LMNTD1: variants seen among roughly 807,000 people sequenced by gnomAD.
The protein encoded by LMNTD1 is lamin tail domain-containing protein 1.
Under a neutral mutation model 50.9 loss-of-function variants are expected in LMNTD1, and 35 were observed. The ratio of observed to expected loss-of-function variants is 0.69; its 90% CI spans 0.53 to 0.91. The LOEUF is 0.91. LMNTD1 is among the 40% of genes least tolerant of loss of function. The probability of loss-of-function intolerance (pLI) is 0.00; values close to 1 mark genes in which losing one functional copy is unlikely to be tolerated. For missense variants in LMNTD1, 470 were observed against 475.5 expected, an observed-to-expected ratio of 0.99 and a Z score of 0.11; for synonymous variants, 153 against 161.9, an observed-to-expected ratio of 0.94 and a Z score of 0.42.
At chr12:25,480,976 A>G (rs888857709) in intron 9 of LMNTD1, among the ~76,000 whole-genome samples, 1 of 152,220 alleles carries the variant, frequency 6.6e-6, no homozygotes, top group Admixed American at 6.5e-5. Context: ...ACAAGGCTCT[A>G]CAAGACCTGC....
intron 1 of LMNTD1, among the ~76,000 whole-genome samples, chr12:25,583,716 A>T (rs1193624959): frequency 1.3e-5 from 2 of 152,180 alleles, no homozygotes; most frequent in Non-Finnish European, 2.9e-5. Context: ...GAGCCTAGTA[A>T]GGCTGGGAGA....
At chr12:25,509,626 G>A (rs76781418) in intron 8 of LMNTD1, among the ~76,000 whole-genome samples, 8 of 152,122 alleles carry the variant, frequency 5.3e-5, no homozygotes, top group African/African-American at 1.9e-4. Context: ...CCCTTGGAAC[G>A]TGCGAACATG....
chr12:25,562,539 C>T (rs909569114), intron 1 of LMNTD1, among the ~76,000 whole-genome samples: 2 of 152,178 alleles, frequency 1.3e-5, no homozygotes, highest in African/African-American at 2.4e-5. Context: ...TTGTGGGTAA[C>T]CTGACCTTTC....
In LMNTD1 at chr12:25,620,524, A is replaced by G. The variant is rs116594172; in HGVS notation, c.58+27970T>C. Among the ~76,000 whole-genome samples, 1,377 of 152,246 alleles carry G rather than the reference A, an allele frequency of 9.0e-3. 22 individuals carry two copies. The highest frequency in any genetic ancestry group is 0.032 in the African/African-American group (1,311 of 41,528). ...ATATAAATGCTTCTTTTCTTCAACA[A>G]GATAGGAGTACATTTTCTAGCTTTT... On this transcript the variant is annotated intron_variant, in intron 1 of 7. Coordinates refer to the LMNTD1 transcript ENST00000445693.
In LMNTD1 at chr12:25,537,704, C is replaced by T. The variant is rs367787482; in HGVS notation, c.491+8670G>A. 2.6e-4 allele frequency among the ~76,000 whole-genome samples: 39 copies of T among 152,092 alleles called. No homozygotes were observed. The East Asian group carries it at 5.2e-3, about 20-fold the overall frequency. Reference sequence around the variant, plus strand: ...AAGGAACGCAGCTCCTCACCAGCAACAGAACAAAGCTGGATGGAGAATGAC... The same window carrying T: ...AAGGAACGCAGCTCCTCACCAGCAATAGAACAAAGCTGGATGGAGAATGAC... On this transcript the variant is annotated intron_variant, in intron 4 of 9. Coordinates refer to ENST00000458174, the MANE Select transcript of LMNTD1 (RefSeq NM_001145728.2).
At chr12:25,621,479 C>T (rs560190718) in intron 1 of LMNTD1, among the ~76,000 whole-genome samples, 5 of 152,244 alleles carry the variant, frequency 3.3e-5, no homozygotes, top group South Asian at 4.2e-4. Context: ...ATATGATATA[C>T]GTTTAACTTG....
chr12:25,562,914 C>T (rs1418542657), intron 1 of LMNTD1, among the ~76,000 whole-genome samples: 1 of 152,292 alleles, frequency 6.6e-6, no homozygotes, highest in African/African-American at 2.4e-5. Flanking sequence ...ACCCTTTCTT[C>T]CACTTGATCA....
chr12:25,494,578 T>C (rs1477743456), intron 9 of LMNTD1, among the ~76,000 whole-genome samples: 1 of 152,146 alleles, frequency 6.6e-6, no homozygotes, highest in Non-Finnish European at 1.5e-5. Flanking sequence ...AATATGATTA[T>C]GAATAAATTT....
chr12:25,601,832 G>T (rs2136509063), intron 1 of LMNTD1, among the ~76,000 whole-genome samples: 1 of 151,574 alleles, frequency 6.6e-6, no homozygotes, highest in Middle Eastern at 3.4e-3. Flanking sequence ...CATATTTTGG[G>T]GGTACATTTG....
intron 4 of LMNTD1, among the ~76,000 whole-genome samples, chr12:25,537,887 T>C (rs200211805): frequency 0.13 from 19,172 of 147,534 alleles, 1,229 homozygotes; most frequent in East Asian, 0.2. Context: ...AAGGAGCTGA[T>C]GGAGCTGAAA....
chr12:25,525,541 A>C (rs1251823950), intron 6 of LMNTD1, among the ~76,000 whole-genome samples: 1 of 152,202 alleles, frequency 6.6e-6, no homozygotes, highest in Non-Finnish European at 1.5e-5. Flanking sequence ...TGACTTCGAA[A>C]GTTGAAGAGG....
intron 6 of LMNTD1, among the ~76,000 whole-genome samples, chr12:25,522,312 T>G (rs7297540): frequency 0.02 from 3,066 of 152,258 alleles, 77 homozygotes; most frequent in African/African-American, 0.058. Context: ...CTTATTGAGG[T>G]GTGTGCCTTT....
chr12:25,644,501 C>T (rs540433676), intron 1 of LMNTD1, among the ~76,000 whole-genome samples: 29 of 151,528 alleles, frequency 1.9e-4, no homozygotes, highest in South Asian at 4.2e-4. Flanking sequence ...TACAAACAAA[C>T]GAACAACAAC....
intron 6 of LMNTD1, 43 bp from the exon 7 acceptor site, chr12:25,520,118 GT>G: frequency 1.2e-6 from 1 of 863,826 alleles, no homozygotes; most frequent in Non-Finnish European, 1.8e-6. Flanking sequence ...TATATTTGAG[GT>G]TTACAACATG....
chr12:25,529,117 C>T (rs925529368), intron 4 of LMNTD1, among the ~76,000 whole-genome samples: 1 of 152,110 alleles, frequency 6.6e-6, no homozygotes, highest in Admixed American at 6.6e-5. Flanking sequence ...TTTTTGGAAA[C>T]TCTTCCCTTT....
intron 6 of LMNTD1, 84 bp from the exon 7 acceptor site, chr12:25,520,159 T>TATATATATATATATATATATATAC (rs1941203917): frequency 1.4e-5 from 3 of 216,640 alleles, no homozygotes; most frequent in Non-Finnish European, 2.7e-5. Context: ...TATATATATA[T>TATATATATATATATATATATATAC]ATATATATAT....
intron 1 of LMNTD1, among the ~76,000 whole-genome samples, chr12:25,627,291 T>C (rs1019772391): frequency 1.3e-5 from 2 of 152,248 alleles, no homozygotes; most frequent in Non-Finnish European, 2.9e-5. Flanking sequence ...TTGTTCTTTT[T>C]TTCTTTCAGT....
chr12:25,518,954 G>T lies in LMNTD1; in HGVS notation c.1030C>A (p.Pro344Thr), dbSNP rs574914381. The change falls in exon 8 of 10, where the codon CCA becomes ACA. Residue 344 changes from proline to threonine, a missense_variant. Coordinates refer to ENST00000458174, the MANE Select transcript of LMNTD1 (RefSeq NM_001145728.2). ...QVLLKREKEI[P>T]PTVFPNRSPW... ...CTGCGATTAGGGAAAACGGTTGGTG[G>T]GATTTCCTTCTCTCTGTAAAAGAAA... 1.2e-6 allele frequency: 2 copies of T among 1,613,956 alleles called. No homozygotes were observed. Among genetic ancestry groups the T allele is most frequent in the African/African-American group, 2.7e-5 (2 of 75,002 alleles).
chr12:25,500,684 T>C (rs1351826472), intron 9 of LMNTD1, among the ~76,000 whole-genome samples: 1 of 152,194 alleles, frequency 6.6e-6, no homozygotes, highest in Non-Finnish European at 1.5e-5. Flanking sequence ...GAATCCTCAG[T>C]ATTTCCTAGC....
Sources: allele counts gnomAD v4.1 joint callset (sites outside exome capture counted in the v4.1 genomes callset), GRCh38; gene constraint gnomAD v4.1.1; transcripts MANE v1.5; gene names NCBI Gene and HGNC (gene_info 2026-07-23, HGNC 2026-07-21).